The following SDR42E1 variants were observed in gnomAD, a reference collection of about 807,000 sequenced individuals.
SDR42E1 encodes the protein short-chain dehydrogenase/reductase family 42E member 1.
A neutral mutation model predicts 2.6 loss-of-function variants in SDR42E1; 5 were observed. The ratio of observed to expected loss-of-function variants is 1.94; its 90% CI spans 1.01 to 4.08. SDR42E1 has a LOEUF of 4.08. Ranked by LOEUF, SDR42E1 falls within the 30% of genes most tolerant of loss-of-function variation. The probability of loss-of-function intolerance (pLI) is 0.00; values close to 1 mark genes in which losing one functional copy is unlikely to be tolerated. For missense variants in SDR42E1, 596 were observed against 478.6 expected, an observed-to-expected ratio of 1.25 and a Z score of -2.29; for synonymous variants, 231 against 188.3, an observed-to-expected ratio of 1.23 and a Z score of -1.86.
Position 81,991,869 on chromosome 16 carries a change from C to T in SDR42E1, c.*7242G>A, listed in dbSNP as rs1912436056. The T allele has an allele frequency of 6.6e-6, 1 of 152,086 alleles. No homozygotes were observed. Among genetic ancestry groups the T allele is most frequent in the East Asian group, 1.9e-4 (1 of 5,198 alleles). The allele number at this position is 152,086 out of a possible 1,614,324, so 9.4% of individuals were successfully genotyped here. A position where few individuals can be genotyped will look rare whatever the true frequency, so the allele number is the denominator to read the frequency against. ...TGTAAACTGGAGATAATAAATTGAT[C>T]TGTTTCTTAAAGACATTAAGAAAGC... is the stretch of plus-strand genomic sequence containing the variant. On this transcript the variant is annotated 3_prime_UTR_variant, in exon 3 of 3. Coordinates refer to ENST00000328945, the MANE Select transcript of SDR42E1 (RefSeq NM_145168.3).
At position 81,994,485 on chromosome 16, in the gene SDR42E1, C is replaced by G. The variant is rs1445446946; in HGVS notation, c.*4626G>C. On this transcript the variant is annotated 3_prime_UTR_variant, in exon 3 of 3. Coordinates refer to ENST00000328945, the MANE Select transcript of SDR42E1 (RefSeq NM_145168.3). ...GATGGAAGTCCTGTGAGCGGTCAGG[C>G]CTGCATGTGGAGGTCAGCCCCACGA... 1 of 152,208 alleles carries G rather than the reference C, an allele frequency of 6.6e-6. No individual in the cohort carries two copies. The highest frequency in any genetic ancestry group is 1.5e-5 in the Non-Finnish European group (1 of 68,082). 9.4% of individuals were successfully genotyped at this position (152,208 alleles called of 1,614,324 possible).
chr16:81,989,766 G>A lies in SDR42E1; in HGVS notation c.*9345C>T, dbSNP rs1246828494. The stretch of plus-strand genomic sequence containing the variant: ...TAATCCCAGCACTTTGGGAGGCCGA[G>A]GTGGGTGGATCACCTGAGCTCAGGA... On this transcript the variant is annotated 3_prime_UTR_variant, in exon 3 of 3. Coordinates refer to ENST00000328945, the MANE Select transcript of SDR42E1 (RefSeq NM_145168.3). 1.3e-5 allele frequency: 2 copies of A among 152,220 alleles called. No homozygotes were observed. The highest frequency in any genetic ancestry group is 2.9e-5 in the Non-Finnish European group (2 of 68,064). 9.4% of individuals were successfully genotyped at this position (152,220 alleles called of 1,614,324 possible).
chr16:81,992,892 G>C lies in SDR42E1; in HGVS notation c.*6219C>G, dbSNP rs1004389860. ...CAGAAGGGTAACATGGTATGAATTT[G>C]CACAACTTAGAGATACCAGGGACTG... On this transcript the variant is annotated 3_prime_UTR_variant, in exon 3 of 3. Coordinates refer to ENST00000328945, the MANE Select transcript of SDR42E1 (RefSeq NM_145168.3). 3 of 152,094 alleles carry C rather than the reference G, an allele frequency of 2.0e-5. No individual in the cohort carries two copies. Among genetic ancestry groups the C allele is most frequent in the African/African-American group, 7.2e-5 (3 of 41,406 alleles). The allele number at this position is 152,094 out of a possible 1,614,324, so 9.4% of individuals were successfully genotyped here.
Position 81,999,705 on chromosome 16 carries a change from G to A in SDR42E1, c.588C>T (p.His196=), listed in dbSNP as rs746113267. Residue 196 remains histidine (H), a synonymous_variant, in exon 3 of 3, where the codon CAC becomes CAT. Transcript: ENST00000328945. ...AGIYGPGEQR[H]LPRIVSYIEK... is the part of the protein sequence containing the mutation. ...CGATGTAGCTGACTATCCTGGGAAG[G>A]TGTCTTTGTTCTCCAGGCCCATAGA... is the stretch of plus-strand genomic sequence containing the variant. The A allele has an allele frequency of 5.6e-6, 9 of 1,614,186 alleles. No homozygotes were observed. Among genetic ancestry groups the A allele is most frequent in the South Asian group, 2.2e-5 (2 of 91,086 alleles).
At chr16:82,002,978 G>A (rs932685471) in intron 1 of SDR42E1, among the ~76,000 whole-genome samples, 1 of 152,118 alleles carries the variant, frequency 6.6e-6, no homozygotes, top group Non-Finnish European at 1.5e-5. Context: ...AAAGCACAGG[G>A]TTACAAAGAG....
intron 1 of SDR42E1, among the ~76,000 whole-genome samples, chr16:82,006,048 G>T (rs773696800): frequency 2.0e-4 from 30 of 152,224 alleles, no homozygotes; most frequent in Admixed American, 3.9e-4. Flanking sequence ...TACGCACACC[G>T]TTCCTTCATC....
chr16:81,995,948 C>A lies in SDR42E1; in HGVS notation c.*3163G>T, dbSNP rs558503072. On this transcript the variant is annotated 3_prime_UTR_variant, in exon 3 of 3. Coordinates refer to ENST00000328945, the MANE Select transcript of SDR42E1 (RefSeq NM_145168.3). ...TTAAATTGCTGGGATCAGTGAAGGC[C>A]TCTAGAAAGAGACTTAACAAGAGAC... The A allele has an allele frequency of 6.6e-6, 1 of 152,248 alleles. No individual in the cohort carries two copies. The highest frequency in any genetic ancestry group is 1.5e-5 in the Non-Finnish European group (1 of 68,036). 9.4% of individuals were successfully genotyped at this position (152,248 alleles called of 1,614,324 possible).
intron 1 of SDR42E1, among the ~76,000 whole-genome samples, chr16:82,003,112 A>G (rs2143856285): frequency 6.6e-6 from 1 of 152,298 alleles, no homozygotes; most frequent in South Asian, 2.1e-4. Flanking sequence ...TGACTGTCTC[A>G]GTGGTTTGAG....
At chr16:82,000,683 G>C (rs1659888951) in intron 2 of SDR42E1, 108 bp downstream of exon 2, 1 of 811,480 alleles carries the variant, frequency 1.2e-6, no homozygotes, top group East Asian at 2.5e-5. Flanking sequence ...ATCATTTCTG[G>C]TTTGACATTA....
rs1011769286 is a variant in SDR42E1 at position 81,995,435 on chromosome 16, T to G, written c.*3676A>C. 2.2e-4 allele frequency: 33 copies of G among 152,198 alleles called. No homozygotes were observed. The highest frequency in any genetic ancestry group is 6.3e-4 in the African/African-American group (26 of 41,430). The allele number at this position is 152,198 out of a possible 1,614,324, so 9.4% of individuals were successfully genotyped here. A position where few individuals can be genotyped will look rare whatever the true frequency, so the allele number is the denominator to read the frequency against. The stretch of plus-strand genomic sequence containing the variant: ...GGGAGCTCCCTTTCAGGAAATAGAC[T>G]AAGTCTTTTAAAGTGGTGAGTTTTC... On this transcript the variant is annotated 3_prime_UTR_variant, in exon 3 of 3. Coordinates refer to ENST00000328945, the MANE Select transcript of SDR42E1 (RefSeq NM_145168.3).
chr16:82,000,308 G>T, intron 2 of SDR42E1, 84 bp from the exon 3 acceptor site: 1 of 1,542,252 alleles, frequency 6.5e-7, no homozygotes, highest in Non-Finnish European at 8.9e-7. Flanking sequence ...TACCAATCAA[G>T]GTGGGGCTGA....
intron 1 of SDR42E1, among the ~76,000 whole-genome samples, chr16:82,004,322 G>T (rs1912864048): frequency 6.6e-6 from 1 of 152,132 alleles, no homozygotes. Context: ...TATCACAGGT[G>T]GGGGTGCACC....
Position 81,999,540 on chromosome 16 carries a change from G to C in SDR42E1, c.753C>G (p.Pro251=), listed in dbSNP as rs1324675012. 6.2e-7 allele frequency: 1 copy of C among 1,614,184 alleles called. No homozygotes were observed. The highest frequency in any genetic ancestry group is 8.5e-7 in the Non-Finnish European group (1 of 1,180,028). ...CGGGTCTGCCATCTGAGATGAAGTA[G>C]GGCTGCCCAGAGGCAATATGGCCCT... ...ADKGHIASGQ[P]YFISDGRPVN... The change falls in exon 3 of 3, where the codon CCC becomes CCG. Residue 251 remains proline (P), a synonymous_variant. Transcript: ENST00000328945.
At chr16:82,004,957 T>C (rs1383369732) in intron 1 of SDR42E1, among the ~76,000 whole-genome samples, 1 of 152,188 alleles carries the variant, frequency 6.6e-6, no homozygotes, top group East Asian at 1.9e-4. Context: ...ACAGTAAGTT[T>C]TGGAAATGTT....
chr16:82,005,055 A>C (rs911894102), intron 1 of SDR42E1, among the ~76,000 whole-genome samples: 1 of 152,250 alleles, frequency 6.6e-6, no homozygotes, highest in Non-Finnish European at 1.5e-5. Flanking sequence ...CACCATAAGG[A>C]ATTCTGAAAA....
chr16:82,000,880 T>G lies in SDR42E1; in HGVS notation c.-22A>C. The stretch of plus-strand genomic sequence containing the variant: ...CCATATGTGGCAGTCAAAAGATAAC[T>G]GGACCTGAAGAAAGAAGTATGCATC... On this transcript the variant is annotated 5_prime_UTR_variant, in exon 2 of 3. Coordinates refer to ENST00000328945, the MANE Select transcript of SDR42E1 (RefSeq NM_145168.3). 1 of 1,601,498 alleles carries G rather than the reference T, an allele frequency of 6.2e-7. No individual in the cohort carries two copies. Among genetic ancestry groups the G allele is most frequent in the Non-Finnish European group, 8.5e-7 (1 of 1,170,120 alleles).
chr16:82,006,555 G>A (rs573077243), intron 1 of SDR42E1, among the ~76,000 whole-genome samples: 1 of 152,330 alleles, frequency 6.6e-6, no homozygotes, highest in East Asian at 1.9e-4. Flanking sequence ...CACTTTGGAA[G>A]GCTGAGGTGG....
At position 81,999,451 on chromosome 16, in the gene SDR42E1, C is replaced by A. The variant is rs370136905; in HGVS notation, c.842G>T (p.Arg281Leu). The A allele has an allele frequency of 6.2e-7, 1 of 1,614,088 alleles. No individual in the cohort carries two copies. The highest frequency in any genetic ancestry group is 8.5e-7 in the Non-Finnish European group (1 of 1,180,020). The change falls in exon 3 of 3, where the codon CGC (arginine) becomes CTC (leucine). Residue 281 changes from arginine to leucine, a missense_variant. By Grantham distance (102) the Arg-to-Leu change is moderately radical. Coordinates refer to ENST00000328945, the MANE Select transcript of SDR42E1 (RefSeq NM_145168.3). ...GCAGTAGACCAAGGTCAATGGCAGG[C>A]GGGTAGACGGGAATGTGTAGCCCAG... ...EGLGYTFPST[R>L]LPLTLVYCFA...
chr16:82,001,926 G>T (rs1415715231), intron 1 of SDR42E1, among the ~76,000 whole-genome samples: 3 of 147,634 alleles, frequency 2.0e-5, no homozygotes, highest in South Asian at 2.1e-4. Context: ...AAAACCACAG[G>T]AAGCACACAG....
Sources: allele counts gnomAD v4.1 joint callset (sites outside exome capture counted in the v4.1 genomes callset), GRCh38; gene constraint gnomAD v4.1.1; transcripts MANE v1.5; gene names NCBI Gene and HGNC (gene_info 2026-07-23, HGNC 2026-07-21).